MAST4: variants seen among roughly 807,000 people sequenced by gnomAD.
MAST4 encodes microtubule associated serine/threonine kinase family member 4, also known as microtubule-associated serine/threonine-protein kinase 4.
Under a neutral mutation model 162.7 loss-of-function variants are expected in MAST4, and 89 were observed. That is an observed-to-expected ratio of 0.55 (90% CI 0.46 to 0.65). MAST4 has a LOEUF of 0.65. MAST4 is among the 30% of genes least tolerant of loss of function. The pLI, the probability that MAST4 is intolerant of heterozygous loss-of-function variation, is 0.00. For synonymous variants in MAST4, 1,479 were observed against 1,361.1 expected (o/e 1.09, Z -1.91); for missense variants, 3,153 against 3,374.0 (o/e 0.93, Z 1.62).
At chr5:67,055,335 T>G (rs1262986996) in intron 5 of MAST4, among the ~76,000 whole-genome samples, 1 of 152,144 alleles carries the variant, frequency 6.6e-6, no homozygotes, top group African/African-American at 2.4e-5. Flanking sequence ...TTCAGGATTG[T>G]GAAGGATGAA....
At chr5:66,616,558 A>G (rs891190407) in intron 1 of MAST4, among the ~76,000 whole-genome samples, 1 of 152,014 alleles carries the variant, frequency 6.6e-6, no homozygotes, top group Non-Finnish European at 1.5e-5. Context: ...TAGGAGGGTG[A>G]AGCCCAGAGC....
intron 1 of MAST4, among the ~76,000 whole-genome samples, chr5:66,643,259 C>T (rs1159047417): frequency 6.6e-5 from 10 of 152,174 alleles, no homozygotes; most frequent in Non-Finnish European, 1.5e-5. Context: ...ACTATTTGGA[C>T]TTCCAGGAGT....
intron 3 of MAST4, among the ~76,000 whole-genome samples, chr5:66,807,675 A>T (rs1200008992): frequency 6.6e-6 from 1 of 152,244 alleles, no homozygotes; most frequent in South Asian, 2.1e-4. Flanking sequence ...CTTTCCCTGC[A>T]TAGAGGAATT....
chr5:66,715,181 A>G (rs1035007103), intron 1 of MAST4, among the ~76,000 whole-genome samples: 2 of 152,210 alleles, frequency 1.3e-5, no homozygotes, highest in Admixed American at 1.3e-4. Context: ...CATGTCATGT[A>G]GTCACAGGAA....
chr5:67,161,858 T>G (rs1340106166), intron 27 of MAST4, among the ~76,000 whole-genome samples: 1 of 152,174 alleles, frequency 6.6e-6, no homozygotes, highest in Non-Finnish European at 1.5e-5. Context: ...CCAGAAACTT[T>G]GTTTTAAGCT....
Position 66,846,280 on chromosome 5 carries a change from C to T in MAST4, c.643-53671C>T, listed in dbSNP as rs952969879. On this transcript the variant is annotated intron_variant, in intron 3 of 28. Transcript: ENST00000403625. ...TCAGTAGAAGTTGTATCTGGGATAA[C>T]ACGGAAGCTCAGAGATGGGTGTGGT... Among the ~76,000 whole-genome samples the T allele has an allele frequency of 3.9e-5, 6 of 152,158 alleles. No individual in the cohort carries two copies. In the East Asian group the frequency reaches 1.2e-3, roughly 29 times the overall value.
At chr5:66,819,965 T>G (rs28622115) in intron 3 of MAST4, among the ~76,000 whole-genome samples, 3 of 22,048 alleles carry the variant, frequency 1.4e-4, no homozygotes, top group African/African-American at 3.7e-4. Context: ...TTTCTTTTAA[T>G]TTTTTTTTTT....
chr5:66,667,776 C>T (rs1014480378), intron 1 of MAST4, among the ~76,000 whole-genome samples: 2 of 144,170 alleles, frequency 1.4e-5, no homozygotes, highest in Non-Finnish European at 3.0e-5. Context: ...ATAGTATCTC[C>T]AACAAATTAT....
chr5:66,847,843 A>AAAAAT, intron 3 of MAST4, among the ~76,000 whole-genome samples: 1 of 150,208 alleles, frequency 6.7e-6, no homozygotes, highest in Non-Finnish European at 1.5e-5. Flanking sequence ...AAAAAAAAAA[A>AAAAAT]GAAAAACCTT....
At chr5:67,040,512 G>A (rs1347874817) in intron 4 of MAST4, among the ~76,000 whole-genome samples, 1 of 152,168 alleles carries the variant, frequency 6.6e-6, no homozygotes, top group Admixed American at 6.5e-5. Flanking sequence ...AGTGTATCCT[G>A]GGATAAAACT....
At chr5:66,931,310 G>A (rs139792249) in intron 4 of MAST4, among the ~76,000 whole-genome samples, 92 of 152,104 alleles carry the variant, frequency 6.0e-4, no homozygotes, top group African/African-American at 1.8e-3. Context: ...ATTTCTGATC[G>A]CAGGTCCTAG....
At chr5:66,718,534 T>G (rs942934702) in intron 1 of MAST4, among the ~76,000 whole-genome samples, 3 of 152,086 alleles carry the variant, frequency 2.0e-5, no homozygotes, top group Non-Finnish European at 4.4e-5. Context: ...CAAGGTCATG[T>G]GGTATATAGC....
rs570760100 is a variant in MAST4 at position 67,024,804 on chromosome 5, T to A, written c.675-29600T>A. On this transcript the variant is annotated intron_variant, in intron 4 of 28. Coordinates refer to ENST00000403625, the MANE Select transcript of MAST4 (RefSeq NM_001164664.2). ...TTCAGTGCCTAGAACATGCTTCCAT[T>A]TTATGTTCTTTCTTTTGGGGATCCC... 4.0e-5 allele frequency among the ~76,000 whole-genome samples: 6 copies of A among 151,336 alleles called. No individual in the cohort carries two copies. The South Asian group carries it at 1.3e-3, about 32-fold the overall frequency.
intron 4 of MAST4, among the ~76,000 whole-genome samples, chr5:66,982,058 T>C (rs1390333616): frequency 3.3e-5 from 5 of 152,230 alleles, no homozygotes; most frequent in South Asian, 2.1e-4. Context: ...GATGATGTTA[T>C]TCTTATTTTA....
intron 1 of MAST4, among the ~76,000 whole-genome samples, chr5:66,727,699 G>T (rs1055953002): frequency 1.3e-5 from 2 of 152,112 alleles, no homozygotes; most frequent in Non-Finnish European, 2.9e-5. Context: ...GGAGGGAGGG[G>T]AGAGGGCTAT....
At chr5:67,113,589 C>T (rs145718294) in intron 11 of MAST4, among the ~76,000 whole-genome samples, 11 of 152,126 alleles carry the variant, frequency 7.2e-5, no homozygotes, top group East Asian at 1.9e-4. Flanking sequence ...AAAATGGTAA[C>T]GTTGAAGTTT....
chr5:66,732,432 C>G (rs1046359889), intron 1 of MAST4, among the ~76,000 whole-genome samples: 1 of 152,136 alleles, frequency 6.6e-6, no homozygotes, highest in African/African-American at 2.4e-5. Context: ...CCTCTTCTTC[C>G]TGGAAGCCTT....
intron 24 of MAST4, among the ~76,000 whole-genome samples, chr5:67,151,103 A>G (rs1006276716): frequency 5.3e-5 from 8 of 152,236 alleles, no homozygotes; most frequent in African/African-American, 1.7e-4. Context: ...AAGTGCACAC[A>G]CACACAGACA....
chr5:66,657,441 A>G (rs1245951741), intron 1 of MAST4, among the ~76,000 whole-genome samples: 1 of 152,220 alleles, frequency 6.6e-6, no homozygotes, highest in Non-Finnish European at 1.5e-5. Flanking sequence ...ATTTATTTCT[A>G]TCCTAATATT....
Sources: allele counts gnomAD v4.1 joint callset (sites outside exome capture counted in the v4.1 genomes callset), GRCh38; gene constraint gnomAD v4.1.1; transcripts MANE v1.5; gene names NCBI Gene and HGNC (gene_info 2026-07-23, HGNC 2026-07-21).